Variants in ATP8B4 observed in about 807,000 individuals in gnomAD.
ATP8B4 encodes probable phospholipid-transporting ATPase IM.
A neutral mutation model predicts 145.6 loss-of-function variants in ATP8B4; 133 were observed. The observed-to-expected ratio is 0.91, with a 90% CI of 0.79 to 1.05. The LOEUF is 1.05. Among genes scored for constraint, ATP8B4 ranks in the 50% least tolerant of loss-of-function variants. ATP8B4 has a pLI of 0.00. For synonymous variants in ATP8B4, 507 were observed against 492.9 expected, an observed-to-expected ratio of 1.03 and a Z score of -0.38; for missense variants, 1,458 against 1,425.2, an observed-to-expected ratio of 1.02 and a Z score of -0.37.
intron 23 of ATP8B4, among the ~76,000 whole-genome samples, chr15:49,882,198 T>A (rs748623421): frequency 2.0e-5 from 3 of 152,092 alleles, no homozygotes; most frequent in Non-Finnish European, 4.4e-5. Flanking sequence ...AGTTGCCTCC[T>A]GTAGATTATC....
intron 14 of ATP8B4, 92 bp downstream of exon 14, chr15:49,961,885 G>T: frequency 1.8e-6 from 2 of 1,088,910 alleles, no homozygotes; most frequent in Non-Finnish European, 2.6e-6. Context: ...TCTGGTCTTG[G>T]TGGAAATCAG....
chr15:49,985,219 C>G (rs2153539877), intron 10 of ATP8B4, among the ~76,000 whole-genome samples: 1 of 152,102 alleles, frequency 6.6e-6, no homozygotes, highest in South Asian at 2.1e-4. Context: ...ACCTCAGCCT[C>G]CCGAGTAGCT....
At chr15:50,062,212 A>G (rs550076143) in intron 3 of ATP8B4, among the ~76,000 whole-genome samples, 8 of 152,288 alleles carry the variant, frequency 5.3e-5, no homozygotes, top group African/African-American at 1.9e-4. Flanking sequence ...TTGGATCATG[A>G]GGGCAGTTTC....
intron 3 of ATP8B4, among the ~76,000 whole-genome samples, chr15:50,067,962 TAAAGA>T (rs2053491826): frequency 6.6e-6 from 1 of 152,120 alleles, no homozygotes; most frequent in Admixed American, 6.6e-5. Flanking sequence ...TTATTTCTAT[TAAAGA>T]AAAGGGGACA....
At chr15:49,973,877 T>C (rs2045413988) in intron 12 of ATP8B4, among the ~76,000 whole-genome samples, 1 of 152,202 alleles carries the variant, frequency 6.6e-6, no homozygotes, top group Non-Finnish European at 1.5e-5. Flanking sequence ...TCACTGCATT[T>C]CTTATCAATG....
chr15:49,892,703 C>T (rs190992030), intron 23 of ATP8B4, among the ~76,000 whole-genome samples: 6 of 152,250 alleles, frequency 3.9e-5, no homozygotes, highest in African/African-American at 1.4e-4. Context: ...GCGTTCCATG[C>T]AAAATGAGTT....
At chr15:49,895,937 C>T (rs990761202) in intron 23 of ATP8B4, 4 of 152,272 alleles carry the variant, frequency 2.6e-5, no homozygotes, top group South Asian at 2.1e-4. Context: ...GATTCTTCAG[C>T]CTTAAGCCTT....
intron 1 of ATP8B4, chr15:50,114,554 A>G (rs1483746236): frequency 6.6e-6 from 1 of 151,996 alleles, no homozygotes; most frequent in Non-Finnish European, 1.5e-5. Context: ...TGCTTTGGCC[A>G]TCTTCCTTCC....
rs536550656 is a variant in ATP8B4, at chr15:50,001,319, TTTTAG to T, written c.506+829_506+833del. Among the ~76,000 whole-genome samples the T allele has an allele frequency of 2.4e-3, 371 of 152,306 alleles. 1 individual carries two copies. Among genetic ancestry groups the T allele is most frequent in the African/African-American group, 8.3e-3 (345 of 41,580 alleles). On this transcript the variant is annotated intron_variant, in intron 8 of 27. Transcript: ENST00000284509. ...GCCATAAATGTTCCTCTCAGAACTGTTTTAGTTGTGTCTGAACTGTTCTGTCCAAA... is the reference window on the plus strand; with the variant it reads ...GCCATAAATGTTCCTCTCAGAACTGTTTGTGTCTGAACTGTTCTGTCCAAA...
intron 2 of ATP8B4, among the ~76,000 whole-genome samples, chr15:50,100,541 G>C (rs2056288385): frequency 6.6e-6 from 1 of 152,160 alleles, no homozygotes; most frequent in South Asian, 2.1e-4. Flanking sequence ...AATGTTTGTG[G>C]AGTGACTAAA....
intron 13 of ATP8B4, among the ~76,000 whole-genome samples, chr15:49,969,645 A>G (rs1380341501): frequency 1.3e-5 from 2 of 152,194 alleles, no homozygotes; most frequent in East Asian, 3.8e-4. Context: ...CCTACCAACA[A>G]AAAAAGCCCA....
At chr15:50,079,744 T>C (rs2054420850) in intron 2 of ATP8B4, among the ~76,000 whole-genome samples, 1 of 152,216 alleles carries the variant, frequency 6.6e-6, no homozygotes, top group Non-Finnish European at 1.5e-5. Context: ...GAATATATTT[T>C]GGGATATTTG....
chr15:49,897,267 C>A lies in ATP8B4; in HGVS notation c.2697+25G>T, dbSNP rs554459876. On this transcript the variant is annotated intron_variant, in intron 23 of 27. Coordinates refer to ENST00000284509, the MANE Select transcript of ATP8B4 (RefSeq NM_024837.4). ...ATACAAAAACAAACAAACAAACAAA[C>A]AAAAAAAAACATGCTTTTACCAACC... The A allele has an allele frequency of 5.8e-4, 861 of 1,487,160 alleles. 1 individual carries two copies. Among genetic ancestry groups the A allele is most frequent in the African/African-American group, 3.9e-3 (275 of 70,982 alleles). The allele number at this position is 1,487,160 out of a possible 1,614,324, so 92.1% of individuals were successfully genotyped here. A position where few individuals can be genotyped will look rare whatever the true frequency, so the allele number is the denominator to read the frequency against.
chr15:49,962,294 C>A (rs2044153515), intron 13 of ATP8B4, among the ~76,000 whole-genome samples: 1 of 152,166 alleles, frequency 6.6e-6, no homozygotes, highest in African/African-American at 2.4e-5. Flanking sequence ...TAAATGTTAT[C>A]ATTCTGTTAT....
intron 2 of ATP8B4, among the ~76,000 whole-genome samples, chr15:50,104,866 T>TACACACACACACACACACACAC (rs142425113): frequency 0.022 from 2,522 of 116,316 alleles, 33 homozygotes; most frequent in Middle Eastern, 0.07. Flanking sequence ...AAATGTTGCA[T>TACACACACACACACACACACAC]ACACACACAC....
At chr15:50,114,951 AG>A (rs1433834097) in intron 1 of ATP8B4, among the ~76,000 whole-genome samples, 4 of 152,208 alleles carry the variant, frequency 2.6e-5, no homozygotes, top group African/African-American at 9.6e-5. Context: ...GCTGGGCATG[AG>A]GGAGGCAAAA....
intron 23 of ATP8B4, among the ~76,000 whole-genome samples, chr15:49,886,757 G>A (rs2036234336): frequency 5.9e-5 from 9 of 152,008 alleles, no homozygotes; most frequent in Admixed American, 5.9e-4. Flanking sequence ...TATGGGCATT[G>A]GCTTAGCACA....
intron 6 of ATP8B4, among the ~76,000 whole-genome samples, chr15:50,018,731 G>A (rs1427721713): frequency 1.3e-5 from 2 of 152,180 alleles, no homozygotes; most frequent in Non-Finnish European, 2.9e-5. Flanking sequence ...GAGCTCATCC[G>A]AAAACTATAT....
At chr15:49,967,017 C>T (rs1165713137) in intron 13 of ATP8B4, among the ~76,000 whole-genome samples, 1 of 152,190 alleles carries the variant, frequency 6.6e-6, no homozygotes, top group East Asian at 1.9e-4. Context: ...AGCAGACCTG[C>T]AGCTGAGGGG....
Sources: gnomAD v4.1 joint callset for allele counts (sites outside exome capture counted in the v4.1 genomes callset) on GRCh38, gnomAD v4.1.1 for gene constraint, MANE v1.5 for transcripts, NCBI Gene and HGNC (gene_info 2026-07-23, HGNC 2026-07-21) for gene names.